ADAM23: variants seen among roughly 807,000 people sequenced by gnomAD.
The protein encoded by ADAM23 is ADAM metallopeptidase domain 23.
Under a neutral mutation model 120.1 loss-of-function variants are expected in ADAM23, and 33 were observed. The ratio of observed to expected loss-of-function variants is 0.27; its 90% CI spans 0.21 to 0.37. The LOEUF is 0.37. ADAM23 is among the 10% of genes least tolerant of loss of function. The pLI is 1.00. For missense variants in ADAM23, 862 were observed against 1,058.2 expected, an observed-to-expected ratio of 0.81 and a Z score of 2.57; for synonymous variants, 367 against 375.2, an observed-to-expected ratio of 0.98 and a Z score of 0.25.
chr2:206,570,912 C>G (rs1395947156), intron 16 of ADAM23, 101 bp downstream of exon 16: 4 of 983,320 alleles, frequency 4.1e-6, no homozygotes, highest in Non-Finnish European at 6.3e-6. Context: ...GGTCTTACTG[C>G]CTTTCTTTCT....
At chr2:206,612,325 G>A (rs1698841848) in intron 25 of ADAM23, among the ~76,000 whole-genome samples, 1 of 152,162 alleles carries the variant, frequency 6.6e-6, no homozygotes. Flanking sequence ...CTAGTCTGGA[G>A]ATAATTCGTA....
At chr2:206,549,767 ATTTAT>A (rs1459204033) in intron 8 of ADAM23, among the ~76,000 whole-genome samples, 1 of 152,042 alleles carries the variant, frequency 6.6e-6, no homozygotes, top group South Asian at 2.1e-4. Flanking sequence ...ATTGAGATTT[ATTTAT>A]TTTAACATAA....
chr2:206,540,344 A>G (rs1277063656), intron 4 of ADAM23, among the ~76,000 whole-genome samples: 1 of 151,738 alleles, frequency 6.6e-6, no homozygotes, highest in African/African-American at 2.4e-5. Context: ...GGGATGCAAA[A>G]CCTGTGCATA....
intron 3 of ADAM23, among the ~76,000 whole-genome samples, chr2:206,492,422 C>T (rs1696154223): frequency 6.6e-6 from 1 of 152,110 alleles, no homozygotes; most frequent in Non-Finnish European, 1.5e-5. Flanking sequence ...CTAGGAATGC[C>T]CATTGTCAAA....
In ADAM23 at chr2:206,620,315, A is replaced by G. The variant is rs1699030392; in HGVS notation, c.*2688A>G. 1 of 152,208 alleles carries G rather than the reference A, an allele frequency of 6.6e-6. No individual in the cohort carries two copies. The highest frequency in any genetic ancestry group is 2.4e-5 in the African/African-American group (1 of 41,452). 9.4% of individuals were successfully genotyped at this position (152,208 alleles called of 1,614,324 possible). ...TGTTACACTGGCAATTTCATAGGTA[A>G]TCGAACCTATGCTCCAATGTTAAAT... On this transcript the variant is annotated 3_prime_UTR_variant, in exon 26 of 26. Coordinates refer to ENST00000264377, the MANE Select transcript of ADAM23 (RefSeq NM_003812.4).
chr2:206,582,040 G>T (rs1211941549), intron 18 of ADAM23, among the ~76,000 whole-genome samples: 1 of 152,136 alleles, frequency 6.6e-6, no homozygotes, highest in African/African-American at 2.4e-5. Flanking sequence ...ACCATGCCTG[G>T]CTAATTTTTG....
chr2:206,565,707 C>A (rs1432092065), intron 14 of ADAM23, among the ~76,000 whole-genome samples: 1 of 152,188 alleles, frequency 6.6e-6, no homozygotes, highest in African/African-American at 2.4e-5. Context: ...TGCCCCCAGA[C>A]CCCCTAAGCC....
intron 3 of ADAM23, among the ~76,000 whole-genome samples, chr2:206,526,540 G>A (rs1696951913): frequency 6.6e-6 from 1 of 152,192 alleles, no homozygotes; most frequent in Non-Finnish European, 1.5e-5. Context: ...TCTGGAGCAT[G>A]TGGCTTCCAG....
chr2:206,515,157 A>G (rs1421839696), intron 3 of ADAM23, among the ~76,000 whole-genome samples: 2 of 152,152 alleles, frequency 1.3e-5, no homozygotes, highest in Non-Finnish European at 2.9e-5. Flanking sequence ...CCTGTGTACA[A>G]ACATCTCTTA....
chr2:206,522,211 T>A (rs570472815), intron 3 of ADAM23, among the ~76,000 whole-genome samples: 1 of 152,028 alleles, frequency 6.6e-6, no homozygotes, highest in African/African-American at 2.4e-5. Flanking sequence ...TGTACACATA[T>A]AAAATTTGTT....
At chr2:206,508,278 G>T (rs946954434) in intron 3 of ADAM23, among the ~76,000 whole-genome samples, 2 of 152,106 alleles carry the variant, frequency 1.3e-5, no homozygotes, top group Admixed American at 1.3e-4. Flanking sequence ...CGCCCACCTT[G>T]GCCTCCTGAA....
intron 2 of ADAM23, among the ~76,000 whole-genome samples, chr2:206,463,709 T>C (rs1695476493): frequency 6.6e-6 from 1 of 152,246 alleles, no homozygotes; most frequent in Non-Finnish European, 1.5e-5. Context: ...CATATGTTAA[T>C]GACCTCGTTG....
chr2:206,605,986 G>A, intron 24 of ADAM23: 1 of 580,962 alleles, frequency 1.7e-6, no homozygotes, highest in Non-Finnish European at 3.0e-6. Context: ...GTTTCCTGTG[G>A]TAGTGCACCT....
intron 2 of ADAM23, among the ~76,000 whole-genome samples, chr2:206,467,690 A>C (rs1695569055): frequency 6.6e-6 from 1 of 152,160 alleles, no homozygotes; most frequent in African/African-American, 2.4e-5. Context: ...CTCACAGCTC[A>C]ACTAGGCAGT....
chr2:206,455,896 A>G (rs796242322), intron 2 of ADAM23, among the ~76,000 whole-genome samples: 6 of 152,288 alleles, frequency 3.9e-5, no homozygotes, highest in African/African-American at 1.4e-4. Context: ...GGTTAAAATC[A>G]TTCGAGAGGT....
intron 2 of ADAM23, among the ~76,000 whole-genome samples, chr2:206,475,388 T>A (rs1430592545): frequency 6.6e-6 from 1 of 152,118 alleles, no homozygotes; most frequent in South Asian, 2.1e-4. Context: ...CAGAAAAAGA[T>A]TCACAAGCTG....
intron 24 of ADAM23, among the ~76,000 whole-genome samples, chr2:206,602,340 C>A (rs1407622703): frequency 1.3e-5 from 2 of 152,022 alleles, no homozygotes; most frequent in Non-Finnish European, 2.9e-5. Context: ...AGACATTTGT[C>A]CATGTATCTA....
At chr2:206,583,085 C>G (rs1020351754) in intron 18 of ADAM23, among the ~76,000 whole-genome samples, 1 of 152,164 alleles carries the variant, frequency 6.6e-6, no homozygotes, top group African/African-American at 2.4e-5. Context: ...CCTGTATTTT[C>G]ATGTCTAGGT....
At chr2:206,486,340 CTT>C (rs757421451) in intron 3 of ADAM23, among the ~76,000 whole-genome samples, 19 of 141,112 alleles carry the variant, frequency 1.3e-4, no homozygotes, top group Non-Finnish European at 1.1e-4. Context: ...CTTGTCTTTC[CTT>C]TTTTTTTTTT....
Sources: gnomAD v4.1 joint callset for allele counts (sites outside exome capture counted in the v4.1 genomes callset) on GRCh38, gnomAD v4.1.1 for gene constraint, MANE v1.5 for transcripts, NCBI Gene and HGNC (gene_info 2026-07-23, HGNC 2026-07-21) for gene names.